Variants in TTLL4 observed in about 807,000 individuals in gnomAD.
TTLL4 encodes tubulin tyrosine ligase like 4.
A neutral mutation model predicts 122.7 loss-of-function variants in TTLL4; 85 were observed. That is an observed-to-expected ratio of 0.69 (90% CI 0.58 to 0.83). TTLL4 has a LOEUF of 0.83. Among genes scored for constraint, TTLL4 ranks in the 40% least tolerant of loss-of-function variants. TTLL4 has a pLI of 0.00. For missense variants in TTLL4, 1,363 were observed against 1,488.6 expected (o/e 0.92, Z 1.39); for synonymous variants, 553 against 563.0 (o/e 0.98, Z 0.25).
intron 6 of TTLL4, 128 bp downstream of exon 6, chr2:218,745,361 G>A: frequency 1.6e-6 from 2 of 1,283,264 alleles, no homozygotes; most frequent in East Asian, 4.7e-5. Context: ...GTCACACTGT[G>A]CTCAGTTCCC....
rs371179149 is a variant in TTLL4 at position 218,720,366 on chromosome 2, A to G, written c.-177-6903A>G. 6.6e-5 allele frequency among the ~76,000 whole-genome samples: 10 copies of G among 152,296 alleles called. No individual in the cohort carries two copies. The East Asian group carries it at 1.5e-3, about 24-fold the overall frequency. On this transcript the variant is annotated intron_variant, in intron 1 of 19. Transcript: ENST00000392102. ...CAGCTGTGGCAGAGTGCACGCACTG[A>G]GTAAAAAATAGCAACAAGGAGATGG...
intron 2 of TTLL4, among the ~76,000 whole-genome samples, chr2:218,733,847 A>C (rs1040319954): frequency 6.6e-6 from 1 of 152,222 alleles, no homozygotes; most frequent in Non-Finnish European, 1.5e-5. Context: ...GGATGTAGCA[A>C]GGCAAACATT....
chr2:218,746,957 C>A, intron 8 of TTLL4, 46 bp from the exon 9 acceptor site: 2 of 1,582,838 alleles, frequency 1.3e-6, no homozygotes, highest in South Asian at 1.1e-5. Flanking sequence ...TTCCTCATGG[C>A]CTCACCTCTG....
rs116084413 is a variant in TTLL4 at position 218,738,668 on chromosome 2, C to T, written c.992C>T (p.Thr331Ile). The T allele has an allele frequency of 3.6e-5, 58 of 1,614,206 alleles. No homozygotes were observed. Among genetic ancestry groups the T allele is most frequent in the Non-Finnish European group, 4.7e-5 (56 of 1,180,040 alleles). The change falls in exon 3 of 20, where the codon ACT becomes ATT. Residue 331 changes from threonine to isoleucine, a missense_variant. This residue lies in a region of TTLL4 where 760 missense variants were observed against 808.4 expected (regional missense o/e 0.94). Coordinates refer to ENST00000392102, the MANE Select transcript of TTLL4 (RefSeq NM_014640.5). ...GACAGCTCTGATTCCCAGGATCCAACTAAGGAGATTCGGTTCACTGAGGCC... is the reference window on the plus strand; with the variant it reads ...GACAGCTCTGATTCCCAGGATCCAATTAAGGAGATTCGGTTCACTGAGGCC... ...LDDSSDSQDP[T>I]KEIRFTEAVR... is the part of the protein sequence containing the mutation.
intron 1 of TTLL4, among the ~76,000 whole-genome samples, chr2:218,721,973 A>G (rs78807652): frequency 6.6e-6 from 1 of 151,814 alleles, no homozygotes; most frequent in Non-Finnish European, 1.5e-5. Flanking sequence ...AAAAAAAAAA[A>G]TTAAAAAACT....
intron 1 of TTLL4, among the ~76,000 whole-genome samples, chr2:218,726,283 C>G (rs887044850): frequency 8.6e-5 from 13 of 151,970 alleles, no homozygotes; most frequent in East Asian, 3.9e-4. Flanking sequence ...AATTGGAGCT[C>G]CCTTATATGT....
chr2:218,729,774 A>AAAAAAAAAAAAAG (rs1942313733), intron 2 of TTLL4, among the ~76,000 whole-genome samples: 1 of 151,262 alleles, frequency 6.6e-6, no homozygotes, highest in African/African-American at 2.4e-5. Context: ...AAAAAAAAAA[A>AAAAAAAAAAAAAG]AAACAGGATC....
At chr2:218,716,546 TTGGGAGG>T (rs1941863701) in intron 1 of TTLL4, among the ~76,000 whole-genome samples, 1 of 152,208 alleles carries the variant, frequency 6.6e-6, no homozygotes, top group Admixed American at 6.5e-5. Flanking sequence ...TCCCAGCACT[TTGGGAGG>T]CCGAGGCGGG....
chr2:218,749,284 A>C lies in TTLL4; in HGVS notation c.2632A>C (p.Met878Leu). ...GCCCTATGTGACCAGCCTGCTCAAGATGTATGTGCGACGGCCCTATAGCTG... is the reference window on the plus strand; with the variant it reads ...GCCCTATGTGACCAGCCTGCTCAAGCTGTATGTGCGACGGCCCTATAGCTG... ...SEPYVTSLLK[M>L]YVRRPYSCHE... is the part of the protein sequence containing the mutation. Residue 878 changes from methionine (M) to leucine (L), a missense_variant, in exon 14 of 20, where the codon ATG becomes CTG. By Grantham distance (15) the Met-to-Leu change is conservative. Coordinates refer to ENST00000392102, the MANE Select transcript of TTLL4 (RefSeq NM_014640.5). 6.2e-7 allele frequency: 1 copy of C among 1,614,014 alleles called. No individual in the cohort carries two copies.
chr2:218,752,684 C>T lies in TTLL4; in HGVS notation c.2977-79C>T. 2.0e-6 allele frequency: 3 copies of T among 1,519,540 alleles called. No individual in the cohort carries two copies. The East Asian group carries it at 6.8e-5, about 34-fold the overall frequency. The allele number at this position is 1,519,540 out of a possible 1,614,324, so 94.1% of individuals were successfully genotyped here. A position where few individuals can be genotyped will look rare whatever the true frequency, so the allele number is the denominator to read the frequency against. The stretch of plus-strand genomic sequence containing the variant: ...CTGTAGGACCCCAGGGGTGTGCTCC[C>T]TGTTCCCCAGCTTCTTGAGTCTCTG... On this transcript the variant is annotated intron_variant, in intron 16 of 19. Coordinates refer to ENST00000392102, the MANE Select transcript of TTLL4 (RefSeq NM_014640.5).
In TTLL4 at chr2:218,748,859, A is replaced by G; in HGVS notation, c.2525A>G (p.Tyr842Cys). 3 of 1,614,164 alleles carry G rather than the reference A, an allele frequency of 1.9e-6. No individual in the cohort carries two copies. The highest frequency in any genetic ancestry group is 2.5e-6 in the Non-Finnish European group (3 of 1,180,026). Reference protein sequence around the residue: ...HKWALKALWNYLSQKGVNSDA... With the variant: ...HKWALKALWNCLSQKGVNSDA... ...AGGGCACTGAAGGCTTTGTGGAACT[A>G]CCTGAGCCAGAAGGGAGTCAATAGC... The change falls in exon 13 of 20, where the codon TAC becomes TGC. Residue 842 changes from tyrosine (Y) to cysteine (C), a missense_variant. Coordinates refer to ENST00000392102, the MANE Select transcript of TTLL4 (RefSeq NM_014640.5).
At chr2:218,740,216 TTGG>T (rs1223809942) in intron 4 of TTLL4, 49 bp downstream of exon 4, 2 of 1,568,200 alleles carry the variant, frequency 1.3e-6, no homozygotes, top group Admixed American at 1.7e-5. Context: ...TTATGACCTG[TTGG>T]GCAGGGGGCT....
At chr2:218,746,390 G>A in intron 8 of TTLL4, 159 bp downstream of exon 8, 1 of 702,632 alleles carries the variant, frequency 1.4e-6, no homozygotes, top group Non-Finnish European at 2.4e-6. Flanking sequence ...GGTACAGTGA[G>A]AGACTCCAGT....
At position 218,748,135 on chromosome 2, in the gene TTLL4, T is replaced by G. The variant is rs746314006; in HGVS notation, c.2409T>G (p.Asn803Lys). Reference protein sequence around the residue: ...KYSPSMKSLGNKFMHLTNYSV... With the variant: ...KYSPSMKSLGKKFMHLTNYSV... Reference sequence around the variant, plus strand: ...CGCCTTCCATGAAGAGCCTTGGCAATAAGTTCATGCACCTGACCAACTACA... The same window carrying G: ...CGCCTTCCATGAAGAGCCTTGGCAAGAAGTTCATGCACCTGACCAACTACA... Residue 803 changes from asparagine to lysine, a missense_variant, in exon 12 of 20, where the codon AAT (asparagine) becomes AAG (lysine). Asn to Lys is a moderately conservative substitution (Grantham distance 94). Transcript: ENST00000392102. 2.7e-5 allele frequency: 44 copies of G among 1,614,008 alleles called. No individual in the cohort carries two copies. The highest frequency in any genetic ancestry group is 3.5e-5 in the Non-Finnish European group (41 of 1,180,032).
At chr2:218,759,661 T>A (rs1575190051), downstream of TTLL4, among the ~76,000 whole-genome samples, 1 of 152,290 alleles carries the variant, frequency 6.6e-6, no homozygotes, top group East Asian at 1.9e-4. Context: ...ACTTGTCAAA[T>A]TGTGCACTTA....
intron 14 of TTLL4, among the ~76,000 whole-genome samples, chr2:218,749,657 C>T (rs987872313): frequency 7.2e-5 from 11 of 152,052 alleles, no homozygotes; most frequent in African/African-American, 2.7e-4. Context: ...TTAGTAGAGA[C>T]AGGGTTTCAC....
chr2:218,748,029 T>C (rs573202285), intron 11 of TTLL4, 76 bp from the exon 12 acceptor site: 3 of 1,577,178 alleles, frequency 1.9e-6, no homozygotes, highest in East Asian at 2.2e-5. Context: ...CTCTTCAGGA[T>C]TTGGGGAAAT....
chr2:218,745,024 G>A, intron 5 of TTLL4, 85 bp from the exon 6 acceptor site: 3 of 1,534,926 alleles, frequency 2.0e-6, no homozygotes, highest in Non-Finnish European at 1.8e-6. Flanking sequence ...GACAGCACTT[G>A]GAAATAAATC....
chr2:218,751,265 C>CA (rs1429872561), intron 15 of TTLL4, among the ~76,000 whole-genome samples: 2 of 152,026 alleles, frequency 1.3e-5, no homozygotes, highest in Non-Finnish European at 2.9e-5. Flanking sequence ...TTTTTAGAGA[C>CA]AGAGTCTCAC....
Sources: gnomAD v4.1 joint callset for allele counts (sites outside exome capture counted in the v4.1 genomes callset) on GRCh38, gnomAD v4.1.1 for gene constraint, gnomAD v4.1.1 regional missense constraint, MANE v1.5 for transcripts, NCBI Gene and HGNC (gene_info 2026-07-23, HGNC 2026-07-21) for gene names.